The following PDE7B variants were observed in gnomAD, a reference collection of about 807,000 sequenced individuals.
PDE7B encodes 3',5'-cyclic-AMP phosphodiesterase 7B.
In PDE7B, 29 loss-of-function variants were observed where a neutral mutation model predicts 56.2. The ratio of observed to expected loss-of-function variants is 0.52; its 90% confidence interval spans 0.38 to 0.70. The LOEUF is 0.70. Among genes scored for constraint, PDE7B ranks in the 30% least tolerant of loss-of-function variants. The pLI, the probability that PDE7B is intolerant of heterozygous loss-of-function variation, is 0.00. For missense variants in PDE7B, 490 were observed against 565.0 expected (o/e 0.87, Z 1.35); for synonymous variants, 197 against 196.9 (o/e 1.00, Z 0.00).
intron 2 of PDE7B, among the ~76,000 whole-genome samples, chr6:135,983,535 CA>C (rs1207583802): frequency 2.6e-5 from 4 of 152,052 alleles, no homozygotes; most frequent in African/African-American, 9.7e-5. Context: ...AGAAGTGTCC[CA>C]ATTATTACAT....
chr6:135,934,443 C>T (rs1476612471), intron 1 of PDE7B, among the ~76,000 whole-genome samples: 4 of 151,570 alleles, frequency 2.6e-5, no homozygotes, highest in Admixed American at 2.0e-4. Context: ...TATATATATT[C>T]GGGCCCAGTG....
intron 1 of PDE7B, among the ~76,000 whole-genome samples, chr6:135,911,323 T>A (rs1776208816): frequency 6.6e-6 from 1 of 152,162 alleles, no homozygotes; most frequent in Non-Finnish European, 1.5e-5. Flanking sequence ...GTTGGTGAAT[T>A]TTCTTCAGTG....
chr6:136,019,068 A>T (rs1390841046), intron 2 of PDE7B, among the ~76,000 whole-genome samples: 1 of 152,066 alleles, frequency 6.6e-6, no homozygotes, highest in African/African-American at 2.4e-5. Flanking sequence ...TAGAGACAAT[A>T]TGCAAATTAC....
intron 2 of PDE7B, among the ~76,000 whole-genome samples, chr6:135,996,596 G>C (rs1775568694): frequency 6.6e-6 from 1 of 152,194 alleles, no homozygotes; most frequent in Non-Finnish European, 1.5e-5. Context: ...AACCCATTTA[G>C]ACAATCTAGC....
At chr6:135,872,335 T>A (rs1775398882) in intron 1 of PDE7B, among the ~76,000 whole-genome samples, 4 of 152,326 alleles carry the variant, frequency 2.6e-5, no homozygotes, top group African/African-American at 2.4e-5. Flanking sequence ...ATCAATGACT[T>A]ACCAACATTG....
rs954304402 is a variant in PDE7B, at chr6:136,157,335, C to T, written c.711+1577C>T. 2.6e-5 allele frequency among the ~76,000 whole-genome samples: 4 copies of T among 152,274 alleles called. No homozygotes were observed. In the South Asian group the frequency reaches 6.2e-4, roughly 24 times the overall value. On this transcript the variant is annotated intron_variant, in intron 8 of 12. Coordinates refer to ENST00000308191, the MANE Select transcript of PDE7B (RefSeq NM_018945.4). ...GTGGTTCACACCTGTAATCTCAGCACTTTGGGAGGCTGAGGCAGGCGGATC... is the reference window on the plus strand; with the variant it reads ...GTGGTTCACACCTGTAATCTCAGCATTTTGGGAGGCTGAGGCAGGCGGATC...
chr6:136,101,078 G>C (rs1225956453), intron 2 of PDE7B, among the ~76,000 whole-genome samples: 1 of 152,142 alleles, frequency 6.6e-6, no homozygotes, highest in Non-Finnish European at 1.5e-5. Flanking sequence ...ATTGATTTGC[G>C]TAAGTTGAAC....
intron 2 of PDE7B, chr6:136,037,794 G>C: frequency 1.0e-6 from 1 of 985,414 alleles, no homozygotes; most frequent in Non-Finnish European, 1.2e-6. Context: ...AAAGAGCTAA[G>C]AGTCAACAAA....
intron 5 of PDE7B, among the ~76,000 whole-genome samples, chr6:136,150,161 A>G (rs1380110353): frequency 6.6e-6 from 1 of 152,222 alleles, no homozygotes; most frequent in African/African-American, 2.4e-5. Flanking sequence ...AGATGCTACA[A>G]CTAGTTCAAA....
At chr6:136,127,071 A>G (rs1457380387) in intron 3 of PDE7B, among the ~76,000 whole-genome samples, 1 of 152,208 alleles carries the variant, frequency 6.6e-6, no homozygotes, top group Admixed American at 6.5e-5. Flanking sequence ...GAGCTTACCT[A>G]TCAGAGAAAT....
At chr6:135,882,150 T>G (rs1299178050) in intron 1 of PDE7B, among the ~76,000 whole-genome samples, 1 of 152,242 alleles carries the variant, frequency 6.6e-6, no homozygotes, top group Non-Finnish European at 1.5e-5. Flanking sequence ...AGGGAATTAC[T>G]CAAAGCCTGT....
Position 136,191,907 on chromosome 6 carries a change from G to T in PDE7B, c.*67G>T. 2 of 1,216,774 alleles carry T rather than the reference G, an allele frequency of 1.6e-6. No individual in the cohort carries two copies. Among genetic ancestry groups the T allele is most frequent in the South Asian group, 2.7e-5 (2 of 74,894 alleles). 75.4% of individuals were successfully genotyped at this position (1,216,774 alleles called of 1,614,324 possible). On this transcript the variant is annotated 3_prime_UTR_variant, in exon 13 of 13. Transcript: ENST00000308191. ...CCCAGAGGGCAGAAGCAGCGTGGAG[G>T]GGCCCTCACGCAGCAGCCCAGCCAC...
intron 8 of PDE7B, among the ~76,000 whole-genome samples, chr6:136,159,080 T>G (rs889115069): frequency 6.6e-6 from 1 of 152,202 alleles, no homozygotes; most frequent in Admixed American, 6.5e-5. Flanking sequence ...TTACACTCTA[T>G]AATGTCTTGC....
chr6:136,191,179 C>T (rs1779219078), intron 12 of PDE7B, among the ~76,000 whole-genome samples: 2 of 152,072 alleles, frequency 1.3e-5, no homozygotes, highest in Admixed American at 1.3e-4. Flanking sequence ...TTCTCTTTAG[C>T]GTCTTTTTGC....
intron 2 of PDE7B, among the ~76,000 whole-genome samples, chr6:136,074,483 T>G (rs1777100230): frequency 6.6e-6 from 1 of 152,204 alleles, no homozygotes; most frequent in South Asian, 2.1e-4. Flanking sequence ...TGATAAATTT[T>G]GTTGACTGAA....
At chr6:135,952,626 A>AT (rs1562450719) in intron 2 of PDE7B, among the ~76,000 whole-genome samples, 1 of 152,188 alleles carries the variant, frequency 6.6e-6, no homozygotes. Context: ...GATAGAGTGC[A>AT]TATAGCAGGG....
intron 8 of PDE7B, among the ~76,000 whole-genome samples, chr6:136,158,980 AAT>A (rs1275200821): frequency 6.6e-6 from 1 of 152,212 alleles, no homozygotes; most frequent in Non-Finnish European, 1.5e-5. Flanking sequence ...AACTCCTTTC[AAT>A]AGAGTCCAAC....
rs1416390906 is a variant in PDE7B at position 136,112,729 on chromosome 6, G to C, written c.166+3915G>C. 4.6e-5 allele frequency: 7 copies of C among 151,934 alleles called. 1 individual carries two copies. Among genetic ancestry groups the C allele is most frequent in the Non-Finnish European group, 1.0e-4 (7 of 68,008 alleles). 9.4% of individuals were successfully genotyped at this position (151,934 alleles called of 1,614,324 possible). ...AAACAGAGAGGGAACCTCTGTTATT[G>C]ATGCAGATTTTAAATTCCAATTTAA... is the stretch of plus-strand genomic sequence containing the variant. On this transcript the variant is annotated intron_variant, in intron 3 of 12. Transcript: ENST00000308191.
intron 1 of PDE7B, among the ~76,000 whole-genome samples, chr6:135,863,118 G>A (rs1298487463): frequency 4.6e-5 from 7 of 151,864 alleles, no homozygotes; most frequent in Admixed American, 4.6e-4. Flanking sequence ...TGAAGTAAAT[G>A]TATTCTGCAA....
Sources: gnomAD v4.1 joint callset for allele counts (sites outside exome capture counted in the v4.1 genomes callset) on GRCh38, gnomAD v4.1.1 for gene constraint, MANE v1.5 for transcripts, NCBI Gene and HGNC (gene_info 2026-07-23, HGNC 2026-07-21) for gene names.